Variants in ANO2 observed in about 807,000 individuals in gnomAD.
ANO2 encodes anoctamin-2.
In ANO2, 101 loss-of-function variants were observed where a neutral mutation model predicts 124.2. The observed-to-expected ratio is 0.81, with a 90% CI of 0.69 to 0.96. The LOEUF is 0.96. Among genes scored for constraint, ANO2 ranks in the 40% least tolerant of loss-of-function variants. ANO2 has a pLI of 0.00. For synonymous variants in ANO2, 486 were observed against 482.5 expected (o/e 1.01, Z -0.09); for missense variants, 1,293 against 1,274.5 (o/e 1.01, Z -0.22).
chr12:5,941,025 C>T (rs1942873060), intron 1 of ANO2, among the ~76,000 whole-genome samples: 1 of 152,140 alleles, frequency 6.6e-6, no homozygotes, highest in Admixed American at 6.5e-5. Flanking sequence ...TGTATGGTTC[C>T]ATTTACATAA....
chr12:5,792,497 A>G (rs7969834), intron 10 of ANO2, among the ~76,000 whole-genome samples: 45,445 of 152,128 alleles, frequency 0.3, 7,046 homozygotes, highest in African/African-American at 0.35. Flanking sequence ...ACCATGATTC[A>G]GTAAATCACT....
intron 10 of ANO2, among the ~76,000 whole-genome samples, chr12:5,789,595 A>G (rs1209036977): frequency 6.6e-6 from 1 of 152,244 alleles, no homozygotes; most frequent in East Asian, 1.9e-4. Flanking sequence ...AATTCCTGGC[A>G]GCCACCCAAC....
At chr12:5,757,103 G>C (rs979829722) in intron 10 of ANO2, among the ~76,000 whole-genome samples, 1 of 152,190 alleles carries the variant, frequency 6.6e-6, no homozygotes, top group Non-Finnish European at 1.5e-5. Flanking sequence ...GCTCCACCAG[G>C]GTTCTGCAAC....
At chr12:5,589,827 C>T (rs964549159) in intron 20 of ANO2, among the ~76,000 whole-genome samples, 3 of 151,926 alleles carry the variant, frequency 2.0e-5, no homozygotes, top group South Asian at 2.1e-4. Flanking sequence ...CTGTAGGGTG[C>T]GGAGGATTCA....
intron 16 of ANO2, among the ~76,000 whole-genome samples, chr12:5,624,082 G>A (rs1945265542): frequency 6.6e-6 from 1 of 152,128 alleles, no homozygotes; most frequent in Non-Finnish European, 1.5e-5. Flanking sequence ...GAGCTTCCTA[G>A]CACAGGGGGC....
rs758260533 is a variant in ANO2 at position 5,739,414 on chromosome 12, C to T, written c.1352-15G>A. The T allele has an allele frequency of 1.2e-4, 195 of 1,581,248 alleles. No homozygotes were observed. Among genetic ancestry groups the T allele is most frequent in the Middle Eastern group, 6.6e-4 (4 of 6,052 alleles). The stretch of plus-strand genomic sequence containing the variant: ...GAACATGGTAGCTTAAAAAGAACAA[C>T]AAGAACAAAAACCTTGATTATTTTT... On this transcript the variant is annotated splice_polypyrimidine_tract_variant and intron_variant, in intron 12 of 24. Transcript: ENST00000682330.
chr12:5,850,415 CAAAA>C (rs11307572), intron 4 of ANO2, among the ~76,000 whole-genome samples: 5 of 100,170 alleles, frequency 5.0e-5, no homozygotes, highest in Admixed American at 2.2e-4. Context: ...CACTCCATCT[CAAAA>C]AAAAAAAAAA....
rs568834832 is a variant in ANO2, at chr12:5,694,155, C to G, written c.1545+38365G>C. Among the ~76,000 whole-genome samples, 259 of 150,438 alleles carry G rather than the reference C, an allele frequency of 1.7e-3. 1 individual carries two copies. Among genetic ancestry groups the G allele is most frequent in the Non-Finnish European group, 2.7e-3 (182 of 67,704 alleles). ...ACCAGCTCTGTTTGATTCCAAAACT[C>G]TCCACTATAAAAAAATGTGCACCAC... On this transcript the variant is annotated intron_variant, in intron 14 of 24. Coordinates refer to ENST00000682330, the MANE Select transcript of ANO2 (RefSeq NM_001364791.2).
At chr12:5,736,557 C>T (rs1208150189) in intron 13 of ANO2, among the ~76,000 whole-genome samples, 1 of 152,158 alleles carries the variant, frequency 6.6e-6, no homozygotes, top group African/African-American at 2.4e-5. Context: ...CCCTCCAGTG[C>T]CCAAGTAACA....
chr12:5,918,827 A>G (rs1037338792), intron 3 of ANO2, among the ~76,000 whole-genome samples: 5 of 152,248 alleles, frequency 3.3e-5, no homozygotes, highest in African/African-American at 9.6e-5. Flanking sequence ...ATGAGCATTT[A>G]TTGAGCACCT....
chr12:5,746,190 G>C (rs1156431910), intron 11 of ANO2, among the ~76,000 whole-genome samples: 3 of 152,164 alleles, frequency 2.0e-5, no homozygotes. Flanking sequence ...TAAAAGGTCA[G>C]GAATGAAAAA....
chr12:5,770,272 A>C (rs1210287973), intron 10 of ANO2, among the ~76,000 whole-genome samples: 5 of 152,182 alleles, frequency 3.3e-5, no homozygotes, highest in Non-Finnish European at 7.3e-5. Flanking sequence ...GAACCACAGA[A>C]AAGCAAAGTG....
At chr12:5,809,535 C>T (rs1258756024) in intron 7 of ANO2, among the ~76,000 whole-genome samples, 1 of 152,216 alleles carries the variant, frequency 6.6e-6, no homozygotes, top group Non-Finnish European at 1.5e-5. Context: ...AGCTCATCTG[C>T]TAATTCTCAG....
At chr12:5,676,450 C>G (rs1381140024) in intron 14 of ANO2, among the ~76,000 whole-genome samples, 1 of 152,180 alleles carries the variant, frequency 6.6e-6, no homozygotes, top group Admixed American at 6.5e-5. Context: ...AAACTCAGGT[C>G]ACAAAATGTA....
intron 19 of ANO2, among the ~76,000 whole-genome samples, chr12:5,612,442 A>C (rs1263419863): frequency 6.6e-6 from 1 of 152,178 alleles, no homozygotes; most frequent in African/African-American, 2.4e-5. Context: ...ATGTGTACTT[A>C]AGCAAAGGGT....
intron 3 of ANO2, among the ~76,000 whole-genome samples, chr12:5,897,577 A>G (rs1939882057): frequency 6.6e-6 from 1 of 152,226 alleles, no homozygotes; most frequent in Non-Finnish European, 1.5e-5. Flanking sequence ...AATAAAGTCC[A>G]GAAGCAGATC....
intron 14 of ANO2, among the ~76,000 whole-genome samples, chr12:5,665,284 C>T (rs1310274455): frequency 6.6e-6 from 1 of 152,116 alleles, no homozygotes; most frequent in Non-Finnish European, 1.5e-5. Flanking sequence ...TATCTCCTGG[C>T]TCTGAGTCTC....
chr12:5,715,264 T>C (rs1324150533), intron 14 of ANO2, among the ~76,000 whole-genome samples: 1 of 152,186 alleles, frequency 6.6e-6, no homozygotes, highest in African/African-American at 2.4e-5. Context: ...CCGGGACACA[T>C]TTCTTCTTGG....
rs143458903 is a variant in ANO2 at position 5,681,395 on chromosome 12, A to C, written c.1546-33594T>G. On this transcript the variant is annotated intron_variant, in intron 14 of 24. Transcript: ENST00000682330. ...AGTGACATCAAGGTCACTGGACAGAAGATTTGGGGAAGGGCAGAGTGCCCA... is the reference window on the plus strand; with the variant it reads ...AGTGACATCAAGGTCACTGGACAGACGATTTGGGGAAGGGCAGAGTGCCCA... Among the ~76,000 whole-genome samples the C allele has an allele frequency of 7.2e-5, 11 of 152,314 alleles. No homozygotes were observed. In the East Asian group the frequency reaches 2.1e-3, roughly 29 times the overall value.
Sources: allele counts gnomAD v4.1 joint callset (sites outside exome capture counted in the v4.1 genomes callset), GRCh38; gene constraint gnomAD v4.1.1; transcripts MANE v1.5; gene names NCBI Gene and HGNC (gene_info 2026-07-23, HGNC 2026-07-21).